Variants in YWHAE observed in about 807,000 individuals in gnomAD.
YWHAE encodes the protein 14-3-3 protein epsilon.
In YWHAE, 4 loss-of-function variants were observed where a neutral mutation model predicts 30.1. The observed-to-expected ratio is 0.13, with a 90% CI of 0.07 to 0.30. The LOEUF is 0.30. YWHAE is among the 10% of genes least tolerant of loss of function. The pLI is 1.00. For synonymous variants in YWHAE, 118 were observed against 111.8 expected (o/e 1.06, Z -0.35); for missense variants, 121 against 315.9 (o/e 0.38, Z 4.68).
chr17:1,363,245 T>C (rs1192042535), intron 2 of YWHAE, among the ~76,000 whole-genome samples: 1 of 152,112 alleles, frequency 6.6e-6, no homozygotes, highest in Admixed American at 6.6e-5. Context: ...CATCAGGACA[T>C]CTGGACTCTT....
At chr17:1,364,448 G>A (rs933668715) in intron 2 of YWHAE, among the ~76,000 whole-genome samples, 18 of 151,958 alleles carry the variant, frequency 1.2e-4, no homozygotes, top group Non-Finnish European at 2.4e-4. Context: ...GGATGGTCTC[G>A]ATCTCCTGAC....
At chr17:1,398,332 T>C (rs1032576370) in intron 1 of YWHAE, among the ~76,000 whole-genome samples, 30 of 15,610 alleles carry the variant, frequency 1.9e-3, no homozygotes, top group African/African-American at 0.014. Flanking sequence ...TTCCCCATCT[T>C]ATCCCCCCCC....
chr17:1,400,139 C>T lies in YWHAE; in HGVS notation c.-29G>A, dbSNP rs1255539445. ...GGCAGCGGCTCCGGCAGGGTCTGCG[C>T]GACGGATGGAAGCGGATAGTGTCTC... On this transcript the variant is annotated 5_prime_UTR_variant, in exon 1 of 6. Coordinates refer to ENST00000264335, the MANE Select transcript of YWHAE (RefSeq NM_006761.5). 2.5e-6 allele frequency: 4 copies of T among 1,613,596 alleles called. No individual in the cohort carries two copies. The highest frequency in any genetic ancestry group is 3.4e-6 in the Non-Finnish European group (4 of 1,179,736).
At chr17:1,353,904 AT>A (rs1239063062) in intron 5 of YWHAE, among the ~76,000 whole-genome samples, 1 of 152,186 alleles carries the variant, frequency 6.6e-6, no homozygotes, top group African/African-American at 2.4e-5. Context: ...TACCATCTGG[AT>A]TTAAATACAC....
intron 1 of YWHAE, among the ~76,000 whole-genome samples, chr17:1,371,659 T>C (rs1305041415): frequency 6.6e-6 from 1 of 152,136 alleles, no homozygotes; most frequent in Non-Finnish European, 1.5e-5. Flanking sequence ...GCCTGTCCTA[T>C]GGAGCTAGAC....
At chr17:1,358,635 A>T (rs551496906) in intron 4 of YWHAE, among the ~76,000 whole-genome samples, 12 of 151,776 alleles carry the variant, frequency 7.9e-5, no homozygotes, top group African/African-American at 2.9e-4. Context: ...AGACCAGCCT[A>T]ACCAAGATAG....
Position 1,360,971 on chromosome 17 carries a change from G to A in YWHAE, c.578+121C>T, listed in dbSNP as rs942249990. The A allele has an allele frequency of 5.7e-6, 5 of 872,004 alleles. No homozygotes were observed. In the African/African-American group the frequency reaches 6.8e-5, roughly 12 times the overall value. 54.0% of individuals were successfully genotyped at this position (872,004 alleles called of 1,614,324 possible). A position where few individuals can be genotyped will look rare whatever the true frequency, so the allele number is the denominator to read the frequency against. The stretch of plus-strand genomic sequence containing the variant: ...ACTATCCAAAGTAGTTTCAGTAAGA[G>A]CCAAAAGAATTACTATGCAGCCAAG... On this transcript the variant is annotated intron_variant, in intron 4 of 5. Transcript: ENST00000264335.
intron 4 of YWHAE, among the ~76,000 whole-genome samples, chr17:1,355,338 T>A (rs1476689040): frequency 6.6e-6 from 1 of 150,436 alleles, no homozygotes; most frequent in Non-Finnish European, 1.5e-5. Context: ...TTTTTATATT[T>A]TTAGCAGAGG....
intron 1 of YWHAE, among the ~76,000 whole-genome samples, chr17:1,380,314 G>A (rs996285391): frequency 1.3e-5 from 2 of 152,198 alleles, no homozygotes; most frequent in African/African-American, 4.8e-5. Flanking sequence ...GTTTCACGAT[G>A]TTGACCAGGA....
At chr17:1,368,563 CAAAAAA>C (rs11285222) in intron 1 of YWHAE, among the ~76,000 whole-genome samples, 1 of 102,432 alleles carries the variant, frequency 9.8e-6, no homozygotes, top group Non-Finnish European at 2.1e-5. Flanking sequence ...GACTCTGTCT[CAAAAAA>C]AAAAAAAAAA....
At chr17:1,377,651 G>A (rs1426261987) in intron 1 of YWHAE, among the ~76,000 whole-genome samples, 2 of 152,098 alleles carry the variant, frequency 1.3e-5, no homozygotes, top group Non-Finnish European at 2.9e-5. Context: ...GTTCTGGAAA[G>A]GTCCTGAGCT....
In YWHAE at chr17:1,345,277, T is replaced by G. The variant is rs1233469907; in HGVS notation, c.*170A>C. 8 of 647,564 alleles carry G rather than the reference T, an allele frequency of 1.2e-5. No homozygotes were observed. The highest frequency in any genetic ancestry group is 6.3e-5 in the Admixed American group (2 of 31,588). The allele number at this position is 647,564 out of a possible 1,614,324, so 40.1% of individuals were successfully genotyped here. A position where few individuals can be genotyped will look rare whatever the true frequency, so the allele number is the denominator to read the frequency against. On this transcript the variant is annotated 3_prime_UTR_variant, in exon 6 of 6. Coordinates refer to ENST00000264335, the MANE Select transcript of YWHAE (RefSeq NM_006761.5). ...AATTCACTCTTGCCTTTAAGAACTT[T>G]TGAAAACTGTTTAAAAAAAAAAAAA...
chr17:1,388,142 T>A (rs1375152186), intron 1 of YWHAE, among the ~76,000 whole-genome samples: 6 of 109,674 alleles, frequency 5.5e-5, no homozygotes, highest in Non-Finnish European at 1.1e-4. Flanking sequence ...TTTTTTTTTT[T>A]AGTAGAGACG....
At position 1,392,415 on chromosome 17, in the gene YWHAE, A is replaced by C. The variant is rs1021620562; in HGVS notation, c.64+7632T>G. On this transcript the variant is annotated intron_variant, in intron 1 of 5. Transcript: ENST00000264335. ...ATCTATCTCAAACTGTTAACTGACCATTTCAAAAATAGTGAAAATAGCCAT... is the reference window on the plus strand; with the variant it reads ...ATCTATCTCAAACTGTTAACTGACCCTTTCAAAAATAGTGAAAATAGCCAT... 9.2e-5 allele frequency among the ~76,000 whole-genome samples: 14 copies of C among 152,278 alleles called. 1 individual carries two copies. Among genetic ancestry groups the C allele is most frequent in the African/African-American group, 3.4e-4 (14 of 41,564 alleles).
At position 1,361,276 on chromosome 17, in the gene YWHAE, G is replaced by C; in HGVS notation, c.394C>G (p.Leu132Val). 6.2e-7 allele frequency: 1 copy of C among 1,606,622 alleles called. No individual in the cohort carries two copies. Among genetic ancestry groups the C allele is most frequent in the Non-Finnish European group, 8.5e-7 (1 of 1,177,286 alleles). ...TCGTTTCCTGTGGCAAATTCTGCCA[G>C]ATACCTGTGGTAGTCCCCTTTCCTA... The part of the protein sequence containing the change: ...YKMKGDYHRY[L>V]AEFATGNDRK... The change falls in exon 4 of 6, where the codon CTG (leucine) becomes GTG (valine). Residue 132 changes from leucine (L) to valine (V), a missense_variant. Leu to Val is a conservative substitution (Grantham distance 32). Transcript: ENST00000264335.
chr17:1,379,487 AAAG>A (rs755871747), intron 1 of YWHAE, among the ~76,000 whole-genome samples: 8 of 152,354 alleles, frequency 5.3e-5, no homozygotes, highest in Non-Finnish European at 1.2e-4. Flanking sequence ...CTCTGCCTCA[AAAG>A]AAGATTTCAT....
chr17:1,359,921 G>C (rs2072831618), intron 4 of YWHAE, among the ~76,000 whole-genome samples: 1 of 65,932 alleles, frequency 1.5e-5, no homozygotes, highest in African/African-American at 9.4e-5. Flanking sequence ...GAGACGGGGA[G>C]GGGGAGGGGG....
chr17:1,399,962 C>T (rs2073542572), intron 1 of YWHAE, 85 bp downstream of exon 1: 1 of 1,547,466 alleles, frequency 6.5e-7, no homozygotes, highest in Non-Finnish European at 8.9e-7. Context: ...CAGACGATGC[C>T]GCCATTTTGT....
At position 1,364,461 on chromosome 17, in the gene YWHAE, C is replaced by T. The variant is rs193233878; in HGVS notation, c.264+398G>A. On this transcript the variant is annotated intron_variant, in intron 2 of 5. Transcript: ENST00000264335. ...CAGGATGGTCTCGATCTCCTGACCT[C>T]GTGATCCGCCCACCTCAGCCTCCCA... is the stretch of plus-strand genomic sequence containing the variant. Among the ~76,000 whole-genome samples, 1,273 of 152,192 alleles carry T rather than the reference C, an allele frequency of 8.4e-3. 11 individuals are homozygous for T. The highest frequency in any genetic ancestry group is 0.061 in the Middle Eastern group (18 of 294).
Sources: gnomAD v4.1 joint callset for allele counts (sites outside exome capture counted in the v4.1 genomes callset) on GRCh38, gnomAD v4.1.1 for gene constraint, MANE v1.5 for transcripts, NCBI Gene and HGNC (gene_info 2026-07-23, HGNC 2026-07-21) for gene names.